Variants in TAFA2 observed in about 807,000 individuals in gnomAD.
The protein encoded by TAFA2 is chemokine-like protein TAFA-2.
Under a neutral mutation model 18.8 loss-of-function variants are expected in TAFA2, and 7 were observed. That is an observed-to-expected ratio of 0.37 (90% CI 0.21 to 0.70). The LOEUF is 0.70. Among genes scored for constraint, TAFA2 ranks in the 30% least tolerant of loss-of-function variants. The pLI, the probability that TAFA2 is intolerant of heterozygous loss-of-function variation, is 0.53. For synonymous variants in TAFA2, 60 were observed against 54.2 expected (o/e 1.11, Z -0.47); for missense variants, 122 against 158.1 (o/e 0.77, Z 1.23).
chr12:62,004,920 C>A (rs1470568491), intron 1 of TAFA2, among the ~76,000 whole-genome samples: 1 of 151,856 alleles, frequency 6.6e-6, no homozygotes, highest in African/African-American at 2.4e-5. Flanking sequence ...ATTAAATAAG[C>A]CAGAAACACA....
intron 1 of TAFA2, among the ~76,000 whole-genome samples, chr12:62,113,947 C>G (rs979491020): frequency 2.0e-5 from 3 of 152,186 alleles, no homozygotes; most frequent in Non-Finnish European, 4.4e-5. Flanking sequence ...TTGGGATCCA[C>G]TGAGCTAGAC....
intron 2 of TAFA2, among the ~76,000 whole-genome samples, chr12:61,838,763 T>G (rs971754579): frequency 2.0e-5 from 3 of 151,864 alleles, no homozygotes; most frequent in African/African-American, 7.3e-5. Flanking sequence ...AGAAGTAGAG[T>G]GGAGTGAGGG....
intron 2 of TAFA2, among the ~76,000 whole-genome samples, chr12:61,825,774 T>C (rs1385460142): frequency 2.6e-5 from 4 of 152,074 alleles, no homozygotes; most frequent in Non-Finnish European, 4.4e-5. Flanking sequence ...AAAGACGCCA[T>C]AGAAAAAGAT....
At chr12:61,967,981 C>T (rs1879124669) in intron 1 of TAFA2, among the ~76,000 whole-genome samples, 1 of 151,764 alleles carries the variant, frequency 6.6e-6, no homozygotes, top group African/African-American at 2.4e-5. Context: ...TCAACCTTTG[C>T]TAATGAGGTC....
chr12:61,946,242 C>A (rs61941011), intron 1 of TAFA2, among the ~76,000 whole-genome samples: 13,327 of 149,768 alleles, frequency 0.089, 616 homozygotes, highest in East Asian at 0.23. Flanking sequence ...GCTGGGAAAA[C>A]TGGCTAGCCA....
intron 3 of TAFA2, among the ~76,000 whole-genome samples, chr12:61,754,138 A>C (rs944093962): frequency 1.4e-4 from 22 of 152,022 alleles, no homozygotes; most frequent in Admixed American, 7.2e-4. Flanking sequence ...AATATATAAG[A>C]AAATGGACCT....
intron 2 of TAFA2, among the ~76,000 whole-genome samples, chr12:61,814,786 C>A (rs943420287): frequency 6.6e-6 from 1 of 151,190 alleles, no homozygotes. Flanking sequence ...TCCGAAAAGG[C>A]AATATGACAG....
intron 1 of TAFA2, among the ~76,000 whole-genome samples, chr12:61,923,681 C>T (rs3207670): frequency 6.6e-6 from 1 of 152,040 alleles, no homozygotes; most frequent in African/African-American, 2.4e-5. Context: ...TGCCTATTCT[C>T]CTCCAAAGGA....
rs957643707 is a variant in TAFA2, at chr12:62,074,862, C to A, written c.-2+116397G>T. Among the ~76,000 whole-genome samples, 5 of 151,794 alleles carry A rather than the reference C, an allele frequency of 3.3e-5. No homozygotes were observed. The South Asian group carries it at 1.0e-3, about 32-fold the overall frequency. ...GACTACAGGCACACACCACCACACCCAGCTAATTTTTGTATTTTTAGTAGA... is the reference window on the plus strand; with the variant it reads ...GACTACAGGCACACACCACCACACCAAGCTAATTTTTGTATTTTTAGTAGA... On this transcript the variant is annotated intron_variant, in intron 1 of 4. Coordinates refer to ENST00000416284, the MANE Select transcript of TAFA2 (RefSeq NM_178539.5).
intron 1 of TAFA2, among the ~76,000 whole-genome samples, chr12:61,912,574 A>G (rs1876653876): frequency 6.6e-6 from 1 of 152,214 alleles, no homozygotes; most frequent in South Asian, 2.1e-4. Context: ...TTAGTAGTAG[A>G]AAAACAATAT....
chr12:61,949,153 G>A (rs1878377826), intron 1 of TAFA2, among the ~76,000 whole-genome samples: 1 of 152,084 alleles, frequency 6.6e-6, no homozygotes, highest in African/African-American at 2.4e-5. Flanking sequence ...ACTGTGGATG[G>A]GTCTCATCCA....
At chr12:61,953,088 C>T (rs1205431503) in intron 1 of TAFA2, among the ~76,000 whole-genome samples, 1 of 152,006 alleles carries the variant, frequency 6.6e-6, no homozygotes, top group Non-Finnish European at 1.5e-5. Context: ...TTATGTTTAT[C>T]GTTTCCTCCA....
At chr12:61,731,247 T>C (rs958648804) in intron 4 of TAFA2, among the ~76,000 whole-genome samples, 10 of 152,134 alleles carry the variant, frequency 6.6e-5, no homozygotes, top group Non-Finnish European at 1.5e-4. Flanking sequence ...CCCTCCAAAC[T>C]TGGGTACTGA....
intron 1 of TAFA2, among the ~76,000 whole-genome samples, chr12:62,054,974 C>A (rs1882149704): frequency 6.6e-6 from 1 of 152,156 alleles, no homozygotes; most frequent in Admixed American, 6.5e-5. Context: ...TTGCTATAGA[C>A]AATGTTTGTA....
At chr12:61,776,699 GTTCTAAAT>G (rs1273054885) in intron 2 of TAFA2, among the ~76,000 whole-genome samples, 3 of 151,758 alleles carry the variant, frequency 2.0e-5, no homozygotes, top group Non-Finnish European at 2.9e-5. Context: ...CTCCCTTCTG[GTTCTAAAT>G]TTCTAAATTT....
intron 1 of TAFA2, among the ~76,000 whole-genome samples, chr12:61,894,353 G>A (rs1004235286): frequency 6.6e-6 from 1 of 152,182 alleles, no homozygotes; most frequent in Non-Finnish European, 1.5e-5. Context: ...AAGGTCAGTT[G>A]CTGTGGGAAC....
intron 2 of TAFA2, among the ~76,000 whole-genome samples, chr12:61,853,263 T>C (rs888652546): frequency 3.3e-5 from 5 of 152,190 alleles, no homozygotes; most frequent in African/African-American, 1.2e-4. Flanking sequence ...CTTTGTACTT[T>C]CATATAGTTC....
chr12:61,791,561 T>G (rs1870981501), intron 2 of TAFA2, among the ~76,000 whole-genome samples: 1 of 151,742 alleles, frequency 6.6e-6, no homozygotes, highest in South Asian at 2.1e-4. Context: ...GCAAAAGACC[T>G]GAATAGACAT....
At chr12:62,148,287 A>C (rs1237480105) in intron 1 of TAFA2, among the ~76,000 whole-genome samples, 1 of 152,254 alleles carries the variant, frequency 6.6e-6, no homozygotes, top group Non-Finnish European at 1.5e-5. Flanking sequence ...AAGACATAGA[A>C]TTAAACCAGG....
Sources: gnomAD v4.1 joint callset for allele counts (sites outside exome capture counted in the v4.1 genomes callset) on GRCh38, gnomAD v4.1.1 for gene constraint, MANE v1.5 for transcripts, NCBI Gene and HGNC (gene_info 2026-07-23, HGNC 2026-07-21) for gene names.